The following ARFIP1 variants were observed in gnomAD, a reference collection of about 807,000 sequenced individuals.
The protein encoded by ARFIP1 is arfaptin-1.
Under a neutral mutation model 42.5 loss-of-function variants are expected in ARFIP1, and 24 were observed. The observed-to-expected ratio is 0.57, with a 90% confidence interval of 0.41 to 0.80. The LOEUF is 0.80. Ranked by LOEUF, ARFIP1 falls within the 30% of genes least tolerant of loss-of-function variation. The pLI is 0.00. For missense variants in ARFIP1, 354 were observed against 434.0 expected (o/e 0.82, Z 1.64); for synonymous variants, 141 against 153.7 (o/e 0.92, Z 0.61).
chr4:152,787,707 T>C (rs1730891270), intron 1 of ARFIP1, among the ~76,000 whole-genome samples: 1 of 152,240 alleles, frequency 6.6e-6, no homozygotes, highest in South Asian at 2.1e-4. Flanking sequence ...AAGTATTATA[T>C]AAAATTACCT....
intron 1 of ARFIP1, chr4:152,796,582 A>G: frequency 2.4e-6 from 2 of 839,104 alleles, no homozygotes; most frequent in Non-Finnish European, 4.1e-6. Context: ...ATAGGCAGGT[A>G]CTGCTCCCTG....
At chr4:152,796,667 T>C in intron 1 of ARFIP1, 1 of 876,812 alleles carries the variant, frequency 1.1e-6, no homozygotes, top group East Asian at 2.4e-5. Flanking sequence ...ATTTGTATTT[T>C]CTCAGCATGG....
At chr4:152,851,747 G>T (rs1483026036) in intron 2 of ARFIP1, among the ~76,000 whole-genome samples, 1 of 152,100 alleles carries the variant, frequency 6.6e-6, no homozygotes, top group African/African-American at 2.4e-5. Flanking sequence ...CATTCTCAAG[G>T]ATATATATTT....
chr4:152,825,000 TAC>T lies in ARFIP1; in HGVS notation c.-9-4614_-9-4613del, dbSNP rs371803660. 5.3e-5 allele frequency among the ~76,000 whole-genome samples: 8 copies of T among 150,618 alleles called. No individual in the cohort carries two copies. The South Asian group carries it at 8.4e-4, about 16-fold the overall frequency. ...ACATACACACACACACACATACATA[TAC>T]ACACACACACTTAACCAAGGAGGCA... On this transcript the variant is annotated intron_variant, in intron 1 of 8. Transcript: ENST00000353617.
At chr4:152,845,791 AT>A in intron 2 of ARFIP1, among the ~76,000 whole-genome samples, 1 of 152,196 alleles carries the variant, frequency 6.6e-6, no homozygotes, top group South Asian at 2.1e-4. Context: ...CAGTTTGGAG[AT>A]TTCCCAAGGA....
At chr4:152,905,629 C>T (rs762365943) in intron 8 of ARFIP1, among the ~76,000 whole-genome samples, 3 of 135,268 alleles carry the variant, frequency 2.2e-5, no homozygotes, top group South Asian at 2.4e-4. Flanking sequence ...ACGGGCTCAC[C>T]GCAGTCTCCA....
At chr4:152,855,346 T>C (rs1264747411) in intron 2 of ARFIP1, among the ~76,000 whole-genome samples, 1 of 151,894 alleles carries the variant, frequency 6.6e-6, no homozygotes, top group Non-Finnish European at 1.5e-5. Context: ...ACAGGTGTGC[T>C]AGCTGTGGTG....
At chr4:152,878,419 ACTT>A (rs1735545343) in intron 5 of ARFIP1, among the ~76,000 whole-genome samples, 1 of 152,248 alleles carries the variant, frequency 6.6e-6, no homozygotes, top group Non-Finnish European at 1.5e-5. Flanking sequence ...CATCTAAGAC[ACTT>A]CCTCTAGGAC....
chr4:152,899,156 T>C (rs2149907636), intron 8 of ARFIP1, among the ~76,000 whole-genome samples: 1 of 152,282 alleles, frequency 6.6e-6, no homozygotes, highest in South Asian at 2.1e-4. Flanking sequence ...TCTGCCTACA[T>C]ATGTATCCCT....
chr4:152,857,170 C>T (rs1307660010), intron 2 of ARFIP1, among the ~76,000 whole-genome samples: 1 of 152,118 alleles, frequency 6.6e-6, no homozygotes, highest in Non-Finnish European at 1.5e-5. Context: ...TGTCCTGTGA[C>T]AAGAGGTTTT....
intron 1 of ARFIP1, among the ~76,000 whole-genome samples, chr4:152,787,645 C>G (rs1007630994): frequency 1.3e-5 from 2 of 152,206 alleles, no homozygotes; most frequent in African/African-American, 2.4e-5. Context: ...GACACCTTTG[C>G]TTTTGGATGG....
chr4:152,806,219 A>T (rs942352084), intron 1 of ARFIP1, among the ~76,000 whole-genome samples: 6 of 152,256 alleles, frequency 3.9e-5, no homozygotes, highest in Non-Finnish European at 7.3e-5. Flanking sequence ...CAGGGAAAAT[A>T]GGTTTGTAAA....
chr4:152,787,534 G>A (rs141124626), intron 1 of ARFIP1, among the ~76,000 whole-genome samples: 5 of 152,366 alleles, frequency 3.3e-5, no homozygotes, highest in African/African-American at 1.2e-4. Context: ...CCATGTGTAT[G>A]TGTAAGAAAT....
chr4:152,886,587 TTC>T (rs1736282005), intron 7 of ARFIP1, among the ~76,000 whole-genome samples: 1 of 152,140 alleles, frequency 6.6e-6, no homozygotes, highest in South Asian at 2.1e-4. Context: ...AGTATTTTAA[TTC>T]TGTCTGAGAT....
Position 152,881,047 on chromosome 4 carries a change from A to G in ARFIP1, c.496A>G (p.Arg166Gly). ...ACTTGAAGCTCAGATTGATATATTA[A>G]GGGATAACAAGAAAAAATATGAAAA... ...LELEAQIDILRDNKKKYENIL... is the reference protein window; with the variant it reads ...LELEAQIDILGDNKKKYENIL... Residue 166 changes from arginine (R) to glycine (G), a missense_variant, in exon 6 of 9, where the codon AGG (arginine) becomes GGG (glycine). Arg to Gly is a moderately radical substitution (Grantham distance 125). Coordinates refer to ENST00000353617, the MANE Select transcript of ARFIP1 (RefSeq NM_001025595.3). 1 of 1,613,848 alleles carries G rather than the reference A, an allele frequency of 6.2e-7. No homozygotes were observed. Among genetic ancestry groups the G allele is most frequent in the African/African-American group, 1.3e-5 (1 of 75,044 alleles).
Position 152,900,049 on chromosome 4 carries a change from A to C in ARFIP1, c.967-10015A>C, listed in dbSNP as rs62319956. On this transcript the variant is annotated intron_variant, in intron 8 of 8. Coordinates refer to ENST00000353617, the MANE Select transcript of ARFIP1 (RefSeq NM_001025595.3). ...AGATTGTTCAGATAGCAGAGAGAGAAGATGGAAAGATAACCTTGGAAAACA... is the reference window on the plus strand; with the variant it reads ...AGATTGTTCAGATAGCAGAGAGAGACGATGGAAAGATAACCTTGGAAAACA... Among the ~76,000 whole-genome samples the C allele has an allele frequency of 6.1e-3, 931 of 152,226 alleles. 5 individuals are homozygous for C. The highest frequency in any genetic ancestry group is 0.011 in the Non-Finnish European group (715 of 68,016).
At chr4:152,879,099 C>T (rs191633153) in intron 5 of ARFIP1, among the ~76,000 whole-genome samples, 3 of 152,042 alleles carry the variant, frequency 2.0e-5, no homozygotes, top group Admixed American at 1.3e-4. Flanking sequence ...AATACTTTAT[C>T]CCCTTCCGTG....
chr4:152,821,323 G>T (rs1469709336), intron 1 of ARFIP1, among the ~76,000 whole-genome samples: 1 of 152,122 alleles, frequency 6.6e-6, no homozygotes, highest in East Asian at 1.9e-4. Context: ...GGAAGCGAAA[G>T]ACATATTTAG....
rs377259978 is a variant in ARFIP1, at chr4:152,881,100, G to C, written c.549G>C (p.Ser183=). 2 of 1,613,754 alleles carry C rather than the reference G, an allele frequency of 1.2e-6. No individual in the cohort carries two copies. Among genetic ancestry groups the C allele is most frequent in the Admixed American group, 1.7e-5 (1 of 60,006 alleles). Residue 183 remains serine (S), a synonymous_variant, in exon 6 of 9, where the codon TCG becomes TCC. Transcript: ENST00000353617. The stretch of plus-strand genomic sequence containing the variant: ...TTTTAAAACTGGCTCAAACATTGTC[G>C]ACCCAGCTTTTCCAGATGGTACATA... The part of the protein sequence containing the change: ...ENILKLAQTL[S]TQLFQMVHTQ...
Sources: gnomAD v4.1 joint callset for allele counts (sites outside exome capture counted in the v4.1 genomes callset) on GRCh38, gnomAD v4.1.1 for gene constraint, MANE v1.5 for transcripts, NCBI Gene and HGNC (gene_info 2026-07-23, HGNC 2026-07-21) for gene names.